Variants in LEPR observed in about 807,000 individuals in gnomAD.
The protein encoded by LEPR is OB receptor.
In LEPR, 56 loss-of-function variants were observed where a neutral mutation model predicts 114.7. The ratio of observed to expected loss-of-function variants is 0.49; its 90% CI spans 0.39 to 0.61. The LOEUF (loss-of-function observed/expected upper bound fraction) is 0.61, where lower values mean the gene tolerates loss of function less well. Ranked by LOEUF, LEPR falls within the 20% of genes least tolerant of loss-of-function variation. LEPR has a pLI of 0.00. For synonymous variants in LEPR, 443 were observed against 461.4 expected (o/e 0.96, Z 0.51); for missense variants, 1,202 against 1,352.9 (o/e 0.89, Z 1.75).
chr1:65,570,422 C>CTT, intron 3 of LEPR, 51 bp from the exon 4 acceptor site: 1 of 1,552,928 alleles, frequency 6.4e-7, no homozygotes, highest in Non-Finnish European at 8.8e-7. Flanking sequence ...CTATTCATGT[C>CTT]TTAGTCAAAA....
chr1:65,514,301 A>T (rs1649175655), intron 2 of LEPR, among the ~76,000 whole-genome samples: 1 of 152,074 alleles, frequency 6.6e-6, no homozygotes, highest in South Asian at 2.1e-4. Flanking sequence ...CAGGAGTCTA[A>T]ATGAGTTACA....
At chr1:65,604,045 G>A (rs539092434) in intron 10 of LEPR, among the ~76,000 whole-genome samples, 1 of 152,010 alleles carries the variant, frequency 6.6e-6, no homozygotes, top group East Asian at 1.9e-4. Context: ...TGCCATCTCA[G>A]GAATGCTCCA....
rs910230171 is a variant in LEPR, at chr1:65,641,476, T to C, written c.*4461T>C. 3 of 152,246 alleles carry C rather than the reference T, an allele frequency of 2.0e-5. No homozygotes were observed. The highest frequency in any genetic ancestry group is 6.5e-5 in the Admixed American group (1 of 15,288). The allele number at this position is 152,246 out of a possible 1,614,324, so 9.4% of individuals were successfully genotyped here. ...GTTCCCAAAGTCACAGAGAAAGCAGTGTACTTTATGACAGTATATTTATCT... is the reference window on the plus strand; with the variant it reads ...GTTCCCAAAGTCACAGAGAAAGCAGCGTACTTTATGACAGTATATTTATCT... On this transcript the variant is annotated 3_prime_UTR_variant, in exon 20 of 20. Coordinates refer to ENST00000349533, the MANE Select transcript of LEPR (RefSeq NM_002303.6).
chr1:65,429,148 G>A (rs141809520), intron 2 of LEPR, among the ~76,000 whole-genome samples: 1 of 152,240 alleles, frequency 6.6e-6, no homozygotes, highest in East Asian at 1.9e-4. Flanking sequence ...GTGACCTGGG[G>A]TACATTAGAA....
In LEPR at chr1:65,633,916, G is replaced by C. The variant is rs1259291243; in HGVS notation, c.2674-2275G>C. On this transcript the variant is annotated intron_variant, in intron 19 of 19. Coordinates refer to ENST00000349533, the MANE Select transcript of LEPR (RefSeq NM_002303.6). This position sits in a 1 kb window ranked among gnomAD's most constrained non-coding sequence, Gnocchi z 4.1. Reference sequence around the variant, plus strand: ...CTACATACCCAGGTCAGATTGACGGGACCAGAAGGGAACATCGACTTCTAA... The same window carrying C: ...CTACATACCCAGGTCAGATTGACGGCACCAGAAGGGAACATCGACTTCTAA... 6.1e-6 allele frequency: 6 copies of C among 985,282 alleles called. No homozygotes were observed. Among genetic ancestry groups the C allele is most frequent in the Non-Finnish European group, 7.2e-6 (6 of 829,956 alleles). 61.0% of individuals were successfully genotyped at this position (985,282 alleles called of 1,614,324 possible). A position where few individuals can be genotyped will look rare whatever the true frequency, so the allele number is the denominator to read the frequency against.
At chr1:65,479,085 G>A (rs1343383877) in intron 2 of LEPR, among the ~76,000 whole-genome samples, 2 of 152,192 alleles carry the variant, frequency 1.3e-5, no homozygotes, top group Non-Finnish European at 2.9e-5. Flanking sequence ...GATTCATGAA[G>A]CAAAGTGATG....
chr1:65,505,728 GC>G, intron 2 of LEPR, among the ~76,000 whole-genome samples: 1 of 147,482 alleles, frequency 6.8e-6, no homozygotes, highest in Middle Eastern at 3.5e-3. Flanking sequence ...TCCTGCTGTT[GC>G]TAGTCTCTAG....
At chr1:65,579,798 T>C (rs1654856082) in intron 5 of LEPR, among the ~76,000 whole-genome samples, 1 of 152,144 alleles carries the variant, frequency 6.6e-6, no homozygotes, top group Non-Finnish European at 1.5e-5. Flanking sequence ...CTGAAAAAGA[T>C]AAGTATATGT....
rs1350988687 is a variant in LEPR at position 65,570,740 on chromosome 1, C to T, written c.308C>T (p.Ala103Val). Residue 103 changes from alanine to valine, a missense_variant, in exon 4 of 20, where the codon GCA becomes GTA. Physicochemically the swap from Ala to Val is moderately conservative, Grantham distance 64. Coordinates refer to ENST00000349533, the MANE Select transcript of LEPR (RefSeq NM_002303.6). ...SEQDRNCSLCADNIEGKTFVS... is the reference protein window; with the variant it reads ...SEQDRNCSLCVDNIEGKTFVS... ...CAAGATAGAAACTGCTCCTTATGTG[C>T]AGACAACATTGAAGGAAAGACATTT... The T allele has an allele frequency of 2.5e-6, 4 of 1,598,632 alleles. No homozygotes were observed. The Admixed American group carries it at 5.1e-5, about 20-fold the overall frequency.
At chr1:65,441,779 A>G (rs964016542) in intron 2 of LEPR, among the ~76,000 whole-genome samples, 4 of 152,172 alleles carry the variant, frequency 2.6e-5, no homozygotes, top group African/African-American at 9.7e-5. Flanking sequence ...CTGAGGCTAA[A>G]ACAGTGCCAG....
intron 2 of LEPR, among the ~76,000 whole-genome samples, chr1:65,539,250 G>A (rs1570639577): frequency 1.1e-5 from 1 of 89,840 alleles, no homozygotes. Flanking sequence ...ATTTGTTAAA[G>A]CTTTTTTTTT....
intron 2 of LEPR, among the ~76,000 whole-genome samples, chr1:65,530,652 C>T (rs937555174): frequency 6.6e-6 from 1 of 152,190 alleles, no homozygotes; most frequent in East Asian, 1.9e-4. Context: ...ACGTCACTCT[C>T]GTCATCATCT....
chr1:65,596,621 A>G (rs1289850086), intron 7 of LEPR, 28 bp downstream of exon 7: 7 of 1,602,728 alleles, frequency 4.4e-6, no homozygotes, highest in Non-Finnish European at 5.1e-6. Context: ...AGTAAAAGGA[A>G]AAGTTGAGAA....
intron 2 of LEPR, among the ~76,000 whole-genome samples, chr1:65,459,623 G>T (rs1646919698): frequency 6.6e-6 from 1 of 152,128 alleles, no homozygotes; most frequent in South Asian, 2.1e-4. Flanking sequence ...ATGTTCACAG[G>T]ATCCAGCTCT....
intron 2 of LEPR, chr1:65,435,531 C>A: frequency 2.5e-6 from 1 of 407,008 alleles, no homozygotes; most frequent in Non-Finnish European, 3.3e-6. Flanking sequence ...CCACGCCTGG[C>A]TAATTTTTTT....
intron 2 of LEPR, among the ~76,000 whole-genome samples, chr1:65,480,903 G>A (rs924484011): frequency 9.9e-5 from 15 of 152,126 alleles, no homozygotes; most frequent in Admixed American, 6.6e-5. Context: ...AAAATGTTTT[G>A]AACAACTAGC....
chr1:65,604,003 C>CT (rs1014768023), intron 10 of LEPR, among the ~76,000 whole-genome samples: 1 of 151,968 alleles, frequency 6.6e-6, no homozygotes. Flanking sequence ...AAATTTAATT[C>CT]TTTCTTCAAA....
At chr1:65,532,150 C>T (rs896347957) in intron 2 of LEPR, among the ~76,000 whole-genome samples, 5 of 152,170 alleles carry the variant, frequency 3.3e-5, no homozygotes, top group Admixed American at 2.6e-4. Flanking sequence ...GGTTATGCTG[C>T]AGTAACAGAT....
At chr1:65,542,895 G>T (rs910547590) in intron 2 of LEPR, among the ~76,000 whole-genome samples, 2 of 151,892 alleles carry the variant, frequency 1.3e-5, no homozygotes, top group Admixed American at 1.3e-4. Context: ...CCAAGTCTTT[G>T]CTGTTGTGAA....
Sources: gnomAD v4.1 joint callset for allele counts (sites outside exome capture counted in the v4.1 genomes callset) on GRCh38, gnomAD v4.1.1 for gene constraint, Gnocchi (gnomAD v3.1) non-coding constraint, MANE v1.5 for transcripts, NCBI Gene and HGNC (gene_info 2026-07-23, HGNC 2026-07-21) for gene names.